The following NDST4 variants were observed in gnomAD, a reference collection of about 807,000 sequenced individuals.
NDST4 encodes N-deacetylase and N-sulfotransferase 4, also known as N-heparan sulfate sulfotransferase 4.
In NDST4, 63 loss-of-function variants were observed where a neutral mutation model predicts 100.8. The ratio of observed to expected loss-of-function variants is 0.62; its 90% confidence interval spans 0.51 to 0.77. The LOEUF (loss-of-function observed/expected upper bound fraction) is 0.77, where lower values mean the gene tolerates loss of function less well. Ranked by LOEUF, NDST4 falls within the 30% of genes least tolerant of loss-of-function variation. The pLI, the probability that NDST4 is intolerant of heterozygous loss-of-function variation, is 0.00. For missense variants in NDST4, 943 were observed against 1,018.4 expected, an observed-to-expected ratio of 0.93 and a Z score of 1.01; for synonymous variants, 377 against 361.8, an observed-to-expected ratio of 1.04 and a Z score of -0.48.
chr4:114,925,572 A>T (rs953708533), intron 6 of NDST4, among the ~76,000 whole-genome samples: 1 of 152,168 alleles, frequency 6.6e-6, no homozygotes, highest in African/African-American at 2.4e-5. Context: ...GGTATATGAA[A>T]GTTCAGCAGA....
chr4:114,859,205 C>T (rs1723865841), intron 7 of NDST4, among the ~76,000 whole-genome samples: 1 of 152,154 alleles, frequency 6.6e-6, no homozygotes, highest in Non-Finnish European at 1.5e-5. Flanking sequence ...GTCAGTGAGA[C>T]AAACTATCAC....
intron 2 of NDST4, among the ~76,000 whole-genome samples, chr4:115,060,812 A>T (rs1728803711): frequency 6.6e-6 from 1 of 152,030 alleles, no homozygotes; most frequent in African/African-American, 2.4e-5. Context: ...GGCATTTATA[A>T]ATATTTAAAT....
chr4:114,934,342 G>A (rs1010647568), intron 6 of NDST4, among the ~76,000 whole-genome samples: 1 of 152,026 alleles, frequency 6.6e-6, no homozygotes, highest in African/African-American at 2.4e-5. Context: ...ACGAGGTCAG[G>A]AGATCGAGAC....
intron 4 of NDST4, among the ~76,000 whole-genome samples, chr4:114,957,076 G>T (rs1037811779): frequency 5.9e-5 from 9 of 152,120 alleles, no homozygotes; most frequent in Non-Finnish European, 1.0e-4. Context: ...CTCATCCAAT[G>T]AGAATATCAA....
At chr4:114,983,533 C>A (rs1004503966) in intron 2 of NDST4, among the ~76,000 whole-genome samples, 23 of 152,148 alleles carry the variant, frequency 1.5e-4, no homozygotes, top group Non-Finnish European at 3.4e-4. Context: ...GGAATGGGAG[C>A]ATTTACCAAA....
intron 2 of NDST4, among the ~76,000 whole-genome samples, chr4:115,018,104 A>G (rs945945393): frequency 1.3e-5 from 2 of 151,994 alleles, no homozygotes; most frequent in African/African-American, 4.8e-5. Flanking sequence ...GCATGCATGT[A>G]CCACTAAAGG....
At chr4:115,100,474 G>A (rs1203631922) in intron 1 of NDST4, among the ~76,000 whole-genome samples, 4 of 151,848 alleles carry the variant, frequency 2.6e-5, no homozygotes, top group African/African-American at 7.3e-5. Flanking sequence ...AAAAAGTTAA[G>A]TCTATTCAAA....
At chr4:114,899,172 G>GTT (rs1300306188) in intron 6 of NDST4, among the ~76,000 whole-genome samples, 1 of 151,582 alleles carries the variant, frequency 6.6e-6, no homozygotes, top group East Asian at 1.9e-4. Context: ...GATTTTTATC[G>GTT]TTTTTTGTTT....
intron 4 of NDST4, among the ~76,000 whole-genome samples, chr4:114,956,824 A>T (rs1011535302): frequency 6.6e-6 from 1 of 152,150 alleles, no homozygotes; most frequent in Non-Finnish European, 1.5e-5. Context: ...TACATCCTTA[A>T]CATGGAGGGA....
chr4:114,935,135 T>C, intron 6 of NDST4, 71 bp downstream of exon 6: 1 of 1,224,420 alleles, frequency 8.2e-7, no homozygotes, highest in Non-Finnish European at 1.1e-6. Context: ...TGATTTAGTT[T>C]AAAAGACAGG....
chr4:114,958,382 T>C (rs578138211), intron 4 of NDST4, among the ~76,000 whole-genome samples: 1 of 147,764 alleles, frequency 6.8e-6, no homozygotes, highest in Admixed American at 6.6e-5. Flanking sequence ...AACATGTTCC[T>C]CATCTCCATC....
rs1489048800 is a variant in NDST4, at chr4:115,076,434, C to G, written c.603G>C (p.Leu201Phe). The G allele has an allele frequency of 1.9e-6, 3 of 1,613,864 alleles. No individual in the cohort carries two copies. The South Asian group carries it at 3.3e-5, about 18-fold the overall frequency. ...CCTTGGGGGCTTTGGTAATATGCAG[C>G]AAAGGAGATTGAGGGTTAACAAAAC... ...KDCFVNPQSPLLHITKAPKVE... is the reference protein window; with the variant it reads ...KDCFVNPQSPFLHITKAPKVE... The change falls in exon 2 of 14, where the codon TTG (leucine) becomes TTC (phenylalanine). Residue 201 changes from leucine (L) to phenylalanine (F), a missense_variant. This residue lies in a region of NDST4 where 417 missense variants were observed against 384.2 expected (regional missense o/e 1.09). Transcript: ENST00000264363.
At chr4:115,064,973 C>T (rs952339916) in intron 2 of NDST4, among the ~76,000 whole-genome samples, 7 of 152,006 alleles carry the variant, frequency 4.6e-5, no homozygotes, top group Admixed American at 3.3e-4. Flanking sequence ...ATTATGAGAC[C>T]ATAAATCAAA....
At chr4:114,981,279 A>C (rs1408509080) in intron 2 of NDST4, among the ~76,000 whole-genome samples, 6 of 151,964 alleles carry the variant, frequency 3.9e-5, no homozygotes, top group Non-Finnish European at 8.8e-5. Context: ...GAAAGCAGGA[A>C]AAAGAATGAG....
At chr4:114,931,311 GTAGTAGTGC>G (rs1232834902) in intron 6 of NDST4, among the ~76,000 whole-genome samples, 2 of 151,654 alleles carry the variant, frequency 1.3e-5, no homozygotes, top group Non-Finnish European at 2.9e-5. Context: ...TAAATTCTTT[GTAGTAGTGC>G]TAGAATTTAC....
intron 2 of NDST4, among the ~76,000 whole-genome samples, chr4:115,070,372 T>C (rs1416791040): frequency 1.3e-5 from 2 of 151,968 alleles, no homozygotes; most frequent in East Asian, 1.9e-4. Flanking sequence ...TGAGAACACA[T>C]GGACACATAG....
At chr4:114,861,129 G>A (rs1333775658) in intron 7 of NDST4, among the ~76,000 whole-genome samples, 1 of 152,094 alleles carries the variant, frequency 6.6e-6, no homozygotes, top group African/African-American at 2.4e-5. Context: ...TTCTCCATGT[G>A]ATGCTCATAT....
intron 7 of NDST4, among the ~76,000 whole-genome samples, chr4:114,861,530 T>C (rs1374806862): frequency 6.6e-6 from 1 of 152,152 alleles, no homozygotes; most frequent in Non-Finnish European, 1.5e-5. Flanking sequence ...CTACAGGTGT[T>C]CATCTTGAGA....
At chr4:115,018,260 C>A (rs6856543) in intron 2 of NDST4, among the ~76,000 whole-genome samples, 12,993 of 151,916 alleles carry the variant, frequency 0.086, 1,838 homozygotes, top group African/African-American at 0.29. Context: ...CCTTAAACCA[C>A]ATTACAAACT....
Sources: allele counts gnomAD v4.1 joint callset (sites outside exome capture counted in the v4.1 genomes callset), GRCh38; gene constraint gnomAD v4.1.1; regional missense constraint gnomAD v4.1.1; transcripts MANE v1.5; gene names NCBI Gene and HGNC (gene_info 2026-07-23, HGNC 2026-07-21).